The following GRM3 variants were observed in gnomAD, a reference collection of about 807,000 sequenced individuals.
The protein encoded by GRM3 is glutamate metabotropic receptor 3.
GRM3 carries 26 observed loss-of-function variants against 70.5 expected under a neutral mutation model. That is an observed-to-expected ratio of 0.37 (90% CI 0.27 to 0.51). GRM3 has a LOEUF of 0.51. Among genes scored for constraint, GRM3 ranks in the 20% least tolerant of loss-of-function variants. GRM3 has a pLI of 0.93. For missense variants in GRM3, 859 were observed against 1,123.8 expected, an observed-to-expected ratio of 0.76 and a Z score of 3.37; for synonymous variants, 443 against 434.9, an observed-to-expected ratio of 1.02 and a Z score of -0.23.
chr7:86,812,898 A>C (rs1452574928), intron 3 of GRM3, among the ~76,000 whole-genome samples: 1 of 151,768 alleles, frequency 6.6e-6, no homozygotes, highest in Non-Finnish European at 1.5e-5. Context: ...AGTTTGCTCT[A>C]TGTAATGAAC....
intron 5 of GRM3, among the ~76,000 whole-genome samples, chr7:86,855,710 T>C (rs749973808): frequency 3.3e-5 from 5 of 152,196 alleles, no homozygotes; most frequent in Non-Finnish European, 7.3e-5. Context: ...TCATTTTCCA[T>C]ACAGCTACAA....
At chr7:86,654,826 G>A (rs745404427) in intron 1 of GRM3, among the ~76,000 whole-genome samples, 1 of 152,146 alleles carries the variant, frequency 6.6e-6, no homozygotes, top group Non-Finnish European at 1.5e-5. Flanking sequence ...TGTGTGTTCA[G>A]TCACTGTTCT....
intron 1 of GRM3, among the ~76,000 whole-genome samples, chr7:86,749,944 G>A (rs1226372522): frequency 1.3e-5 from 2 of 151,974 alleles, no homozygotes; most frequent in African/African-American, 4.8e-5. Flanking sequence ...TGAGCAAGTA[G>A]CACTTAAGTT....
chr7:86,684,693 G>C (rs1365243761), intron 1 of GRM3, among the ~76,000 whole-genome samples: 1 of 152,090 alleles, frequency 6.6e-6, no homozygotes, highest in South Asian at 2.1e-4. Context: ...TGTTAAAATC[G>C]AAAATATGGT....
intron 3 of GRM3, among the ~76,000 whole-genome samples, chr7:86,820,263 G>C (rs1193299887): frequency 6.6e-6 from 1 of 152,138 alleles, no homozygotes; most frequent in Non-Finnish European, 1.5e-5. Context: ...ATAGCTGTGA[G>C]TGTGTCTTTT....
chr7:86,679,073 TATTG>T (rs1794378243), intron 1 of GRM3, among the ~76,000 whole-genome samples: 1 of 152,062 alleles, frequency 6.6e-6, no homozygotes, highest in African/African-American at 2.4e-5. Context: ...GGCCGTATCG[TATTG>T]ATTAATATGT....
chr7:86,844,878 C>T (rs1389022325), intron 4 of GRM3, among the ~76,000 whole-genome samples: 1 of 151,998 alleles, frequency 6.6e-6, no homozygotes, highest in Admixed American at 6.6e-5. Flanking sequence ...TCTGTACATT[C>T]CTTGAGTCCT....
At chr7:86,696,368 T>C (rs548050538) in intron 1 of GRM3, among the ~76,000 whole-genome samples, 49 of 79,842 alleles carry the variant, frequency 6.1e-4, no homozygotes, top group Non-Finnish European at 1.3e-3. Flanking sequence ...ATAGTAAAGA[T>C]TGGGGGGATG....
chr7:86,823,296 G>A (rs1214892954), intron 3 of GRM3, among the ~76,000 whole-genome samples: 3 of 152,080 alleles, frequency 2.0e-5, no homozygotes, highest in African/African-American at 4.8e-5. Flanking sequence ...GGACAAGCCA[G>A]CATCCACCAT....
rs771933521 is a variant in GRM3 at position 86,655,196 on chromosome 7, G to A, written c.-141+10324G>A. Among the ~76,000 whole-genome samples, 40 of 152,152 alleles carry A rather than the reference G, an allele frequency of 2.6e-4. 1 individual carries two copies. Among genetic ancestry groups the A allele is most frequent in the Admixed American group, 8.5e-4 (13 of 15,258 alleles). Reference sequence around the variant, plus strand: ...AAATACACACCTGAGTGTCTTTGTAGTATGATTTCATTTAGAATGTGTTTT... The same window carrying A: ...AAATACACACCTGAGTGTCTTTGTAATATGATTTCATTTAGAATGTGTTTT... On this transcript the variant is annotated intron_variant, in intron 1 of 5. Transcript: ENST00000361669.
At chr7:86,756,913 A>G (rs1364388680) in intron 1 of GRM3, among the ~76,000 whole-genome samples, 2 of 152,068 alleles carry the variant, frequency 1.3e-5, no homozygotes, top group African/African-American at 4.8e-5. Context: ...TGATTGGATT[A>G]GATTATTTCT....
At chr7:86,746,611 C>T (rs543693583) in intron 1 of GRM3, among the ~76,000 whole-genome samples, 24 of 151,920 alleles carry the variant, frequency 1.6e-4, no homozygotes, top group African/African-American at 5.8e-4. Flanking sequence ...AGAATCCAGC[C>T]ATGGGCTTCA....
intron 2 of GRM3, among the ~76,000 whole-genome samples, chr7:86,779,014 C>T (rs1440481303): frequency 6.6e-6 from 1 of 151,908 alleles, no homozygotes; most frequent in Non-Finnish European, 1.5e-5. Context: ...TGAAATAAAG[C>T]ATGGCACCTG....
chr7:86,683,303 T>A (rs1794485847), intron 1 of GRM3, among the ~76,000 whole-genome samples: 2 of 152,114 alleles, frequency 1.3e-5, no homozygotes, highest in East Asian at 1.9e-4. Flanking sequence ...CAACAGAACA[T>A]GTAGGAAGAG....
chr7:86,666,077 A>G (rs1158332476), intron 1 of GRM3, among the ~76,000 whole-genome samples: 1 of 152,088 alleles, frequency 6.6e-6, no homozygotes, highest in Non-Finnish European at 1.5e-5. Context: ...TCTTAATTAC[A>G]GGAGCAAGTT....
chr7:86,799,220 C>G (rs1192759289), intron 3 of GRM3, among the ~76,000 whole-genome samples: 1 of 152,108 alleles, frequency 6.6e-6, no homozygotes. Flanking sequence ...TGAGACTTTG[C>G]CAAAGTTGCT....
At chr7:86,730,438 CAT>C (rs1344506266) in intron 1 of GRM3, among the ~76,000 whole-genome samples, 1 of 152,194 alleles carries the variant, frequency 6.6e-6, no homozygotes, top group Non-Finnish European at 1.5e-5. Flanking sequence ...AAAGGCATAA[CAT>C]AACTCATAGC....
intron 1 of GRM3, among the ~76,000 whole-genome samples, chr7:86,728,152 C>T (rs1365782654): frequency 6.6e-6 from 1 of 152,162 alleles, no homozygotes; most frequent in East Asian, 1.9e-4. Context: ...CAAGGCCCAG[C>T]TCCATGCCTG....
chr7:86,859,388 C>A (rs1389255274), intron 5 of GRM3, among the ~76,000 whole-genome samples: 2 of 152,124 alleles, frequency 1.3e-5, no homozygotes, highest in Non-Finnish European at 2.9e-5. Flanking sequence ...TATTCAATCA[C>A]CAGATACAAT....
Sources: allele counts gnomAD v4.1 joint callset (sites outside exome capture counted in the v4.1 genomes callset), GRCh38; gene constraint gnomAD v4.1.1; transcripts MANE v1.5; gene names NCBI Gene and HGNC (gene_info 2026-07-23, HGNC 2026-07-21).